KCNJ5: variants seen among roughly 807,000 people sequenced by gnomAD.
KCNJ5 encodes the protein potassium inwardly rectifying channel subfamily J member 5.
KCNJ5 carries 12 observed loss-of-function variants against 20.2 expected under a neutral mutation model. The ratio of observed to expected loss-of-function variants is 0.59; its 90% confidence interval spans 0.38 to 0.96. The LOEUF is 0.96. KCNJ5 is among the 40% of genes least tolerant of loss of function. KCNJ5 has a pLI of 0.00. For synonymous variants in KCNJ5, 210 were observed against 213.9 expected (o/e 0.98, Z 0.16); for missense variants, 449 against 557.6 (o/e 0.81, Z 1.96).
At chr11:128,893,627 G>C (rs1944127752) in intron 1 of KCNJ5, among the ~76,000 whole-genome samples, 1 of 152,124 alleles carries the variant, frequency 6.6e-6, no homozygotes, top group African/African-American at 2.4e-5. Flanking sequence ...ATTACTCACA[G>C]GCAGCATTTT....
intron 1 of KCNJ5, among the ~76,000 whole-genome samples, chr11:128,909,450 C>T (rs1229447271): frequency 6.6e-6 from 1 of 152,208 alleles, no homozygotes; most frequent in Non-Finnish European, 1.5e-5. Flanking sequence ...ACATGTAGAG[C>T]GCTGCACTGG....
chr11:128,903,938 TC>T (rs1348253221), intron 1 of KCNJ5, among the ~76,000 whole-genome samples: 1 of 151,948 alleles, frequency 6.6e-6, no homozygotes, highest in Non-Finnish European at 1.5e-5. Context: ...CCCAGAGGGC[TC>T]AGGAGGAACC....
intron 1 of KCNJ5, among the ~76,000 whole-genome samples, chr11:128,898,629 G>C (rs968097223): frequency 2.6e-5 from 4 of 152,068 alleles, no homozygotes; most frequent in African/African-American, 9.7e-5. Flanking sequence ...TTTGTCCTTT[G>C]CTTTTTTAAA....
intron 1 of KCNJ5, chr11:128,904,348 G>A: frequency 1.3e-6 from 2 of 1,573,074 alleles, no homozygotes; most frequent in Non-Finnish European, 1.7e-6. Context: ...CTACTGCACT[G>A]ATTTTTTTTG....
In KCNJ5 at chr11:128,911,918, G is replaced by A. The variant is rs147245544; in HGVS notation, c.645G>A (p.Leu215=). The change falls in exon 2 of 3, where the codon CTG becomes CTA. Residue 215 remains leucine (L), a synonymous_variant. Coordinates refer to ENST00000529694, the MANE Select transcript of KCNJ5 (RefSeq NM_000890.5). The surrounding 1 kb of genome is among the most constrained non-coding windows in gnomAD (Gnocchi z 6.3). ...TCATCTCCATGCGGGACGAGAAGCT[G>A]TGCCTCATGTTCCGGGTGGGCGACC... ...NAVISMRDEK[L]CLMFRVGDLR... 4.7e-5 allele frequency: 75 copies of A among 1,603,918 alleles called. No individual in the cohort carries two copies. The African/African-American group carries it at 6.6e-4, about 14-fold the overall frequency.
chr11:128,903,640 T>C (rs1437020226), intron 1 of KCNJ5: 4 of 973,108 alleles, frequency 4.1e-6, no homozygotes, highest in Non-Finnish European at 6.2e-6. Context: ...GCACTCTTGG[T>C]GATGATGCCA....
intron 1 of KCNJ5, among the ~76,000 whole-genome samples, chr11:128,909,490 G>T (rs1000334316): frequency 6.6e-6 from 1 of 152,238 alleles, no homozygotes; most frequent in Non-Finnish European, 1.5e-5. Flanking sequence ...GAAAAGAGGT[G>T]CTCCGCTTAA....
intron 2 of KCNJ5, among the ~76,000 whole-genome samples, 182 bp from the exon 3 acceptor site, chr11:128,916,227 T>G (rs1944579111): frequency 6.8e-6 from 1 of 148,028 alleles, no homozygotes; most frequent in Non-Finnish European, 1.5e-5. Context: ...GATGGATGGT[T>G]GGATGGATAG....
intron 1 of KCNJ5, among the ~76,000 whole-genome samples, chr11:128,906,305 C>T (rs1368538161): frequency 6.6e-6 from 1 of 152,202 alleles, no homozygotes; most frequent in Non-Finnish European, 1.5e-5. Flanking sequence ...GTCAGCCTTC[C>T]TAACTGTTTA....
chr11:128,895,386 C>CCG (rs1555142476), intron 1 of KCNJ5, among the ~76,000 whole-genome samples: 1 of 149,876 alleles, frequency 6.7e-6, no homozygotes, highest in African/African-American at 2.5e-5. Flanking sequence ...GCCCCCACCC[C>CCG]CCCCCCAACC....
chr11:128,906,855 C>A (rs1014703054), intron 1 of KCNJ5, among the ~76,000 whole-genome samples: 1 of 152,146 alleles, frequency 6.6e-6, no homozygotes, highest in African/African-American at 2.4e-5. Flanking sequence ...TGAGGATTTC[C>A]TGGGGTTCCT....
At chr11:128,913,093 T>C (rs1944526356) in intron 2 of KCNJ5, among the ~76,000 whole-genome samples, 1 of 152,184 alleles carries the variant, frequency 6.6e-6, no homozygotes, top group African/African-American at 2.4e-5. Flanking sequence ...CTGAGTCTCA[T>C]CACTGGGAGA....
intron 1 of KCNJ5, among the ~76,000 whole-genome samples, chr11:128,895,281 G>T (rs1004985398): frequency 1.3e-5 from 2 of 152,140 alleles, no homozygotes; most frequent in African/African-American, 4.8e-5. Flanking sequence ...ATTTCCTGCT[G>T]CTCAGAAAGG....
chr11:128,895,304 G>A (rs1046104824), intron 1 of KCNJ5, among the ~76,000 whole-genome samples: 2 of 152,088 alleles, frequency 1.3e-5, no homozygotes, highest in African/African-American at 2.4e-5. Flanking sequence ...AATGGGAGTG[G>A]GGTGCAGTGC....
chr11:128,891,427 CACACACACACACACAGAGAG>C lies in KCNJ5; in HGVS notation c.-303_-284del, dbSNP rs1327866804. On this transcript the variant is annotated 5_prime_UTR_variant, in exon 1 of 3. Coordinates refer to ENST00000529694, the MANE Select transcript of KCNJ5 (RefSeq NM_000890.5). ...ACACACACACACACACACACACACA[CACACACACACACACAGAGAG>C]AGAGAGAGAGAGAGAGAGAGAGAGA... 4 of 106,928 alleles carry C rather than the reference CACACACACACACACAGAGAG, an allele frequency of 3.7e-5. No individual in the cohort carries two copies. The highest frequency in any genetic ancestry group is 7.0e-4 in the South Asian group (2 of 2,876). The allele number at this position is 106,928 out of a possible 1,614,324, so 6.6% of individuals were successfully genotyped here. A position where few individuals can be genotyped will look rare whatever the true frequency, so the allele number is the denominator to read the frequency against.
Position 128,911,528 on chromosome 11 carries a change from G to T in KCNJ5, c.255G>T (p.Lys85Asn). ...TCTTCACCACCCTGGTGGACCTCAAGTGGCGCTTCAACTTGCTCGTCTTCA... is the reference window on the plus strand; with the variant it reads ...TCTTCACCACCCTGGTGGACCTCAATTGGCGCTTCAACTTGCTCGTCTTCA... ...SDLFTTLVDLKWRFNLLVFTM... is the reference protein window; with the variant it reads ...SDLFTTLVDLNWRFNLLVFTM... Residue 85 changes from lysine (K) to asparagine (N), a missense_variant, in exon 2 of 3, where the codon AAG becomes AAT. Coordinates refer to ENST00000529694, the MANE Select transcript of KCNJ5 (RefSeq NM_000890.5). The surrounding 1 kb of genome is among the most constrained non-coding windows in gnomAD (Gnocchi z 6.3). The T allele has an allele frequency of 2.5e-6, 4 of 1,614,240 alleles. No individual in the cohort carries two copies. Among genetic ancestry groups the T allele is most frequent in the Non-Finnish European group, 3.4e-6 (4 of 1,180,044 alleles).
At chr11:128,896,401 C>T (rs1041923557) in intron 1 of KCNJ5, among the ~76,000 whole-genome samples, 1 of 152,166 alleles carries the variant, frequency 6.6e-6, no homozygotes, top group Non-Finnish European at 1.5e-5. Flanking sequence ...CCAGGAGGAC[C>T]TCTTATGTGG....
intron 1 of KCNJ5, among the ~76,000 whole-genome samples, chr11:128,894,717 C>T (rs1354033662): frequency 6.6e-6 from 1 of 152,220 alleles, no homozygotes; most frequent in Non-Finnish European, 1.5e-5. Context: ...ACAGCTTCCA[C>T]TTCTGACATT....
In KCNJ5 at chr11:128,911,369, T is replaced by A. The variant is rs767651199; in HGVS notation, c.96T>A (p.Tyr32Ter). ...PKKIPKQARD[Y>*]VPIATDRTRL... ...AGATTCCAAAACAGGCCCGCGATTA[T>A]GTCCCCATTGCCACAGACCGTACGC... The change falls in exon 2 of 3, where the codon TAT (tyrosine) becomes TAA (stop). Residue 32 changes from tyrosine (Y) to a stop codon, truncating the protein, a stop_gained. Transcript: ENST00000529694. LOFTEE classifies it high-confidence loss of function. The surrounding 1 kb of genome is among the most constrained non-coding windows in gnomAD (Gnocchi z 6.3). The A allele has an allele frequency of 6.2e-7, 1 of 1,614,218 alleles. No individual in the cohort carries two copies. The highest frequency in any genetic ancestry group is 1.7e-5 in the Admixed American group (1 of 60,030).
Sources: allele counts gnomAD v4.1 joint callset (sites outside exome capture counted in the v4.1 genomes callset), GRCh38; gene constraint gnomAD v4.1.1; non-coding constraint Gnocchi (gnomAD v3.1); transcripts MANE v1.5; gene names NCBI Gene and HGNC (gene_info 2026-07-23, HGNC 2026-07-21).